The following KRT13 variants were observed in gnomAD, a reference collection of about 807,000 sequenced individuals.
The protein encoded by KRT13 is keratin 13.
Under a neutral mutation model 40.6 loss-of-function variants are expected in KRT13, and 27 were observed. The observed-to-expected ratio is 0.67, with a 90% CI of 0.49 to 0.92. KRT13 has a LOEUF of 0.92. Among genes scored for constraint, KRT13 ranks in the 40% least tolerant of loss-of-function variants. KRT13 has a pLI of 0.00. For missense variants in KRT13, 605 were observed against 611.5 expected (o/e 0.99, Z 0.11); for synonymous variants, 266 against 240.3 (o/e 1.11, Z -0.99).
rs1904934460 is a variant in KRT13, at chr17:41,503,296, GTTC to G, written c.723_725del (p.Lys241del). 6.2e-7 allele frequency: 1 copy of G among 1,614,146 alleles called. No individual in the cohort carries two copies. Among genetic ancestry groups the G allele is most frequent in the Non-Finnish European group, 8.5e-7 (1 of 1,180,014 alleles). On this transcript the variant is annotated inframe_deletion, in exon 3 of 8. Transcript: ENST00000246635. Reference sequence around the variant, plus strand: ...TGCAATTCCCGCTCACCTCTTCATGGTTCTTCTTCATGTAGGCTAGCTCTTCAT... The same window carrying G: ...TGCAATTCCCGCTCACCTCTTCATGGTTCTTCATGTAGGCTAGCTCTTCAT...
intron 7 of KRT13, 111 bp downstream of exon 7, chr17:41,501,608 C>T (rs1779125555): frequency 1.3e-6 from 2 of 1,527,356 alleles, no homozygotes; most frequent in Admixed American, 2.0e-5. Flanking sequence ...CCTCCCTACA[C>T]TGGAGAGCCC....
chr17:41,503,961 A>G (rs771425717), intron 1 of KRT13: 80 of 511,314 alleles, frequency 1.6e-4, no homozygotes, highest in Non-Finnish European at 2.8e-4. Flanking sequence ...GGCCACATGC[A>G]GCCCACCGGC....
chr17:41,505,380 A>G lies in KRT13; in HGVS notation c.171T>C (p.Ala57=). ...CATAGCCACCTCCAAAGCCACTACCAGCCCCTCCACCAAAACCACAGCTCA... is the reference window on the plus strand; with the variant it reads ...CATAGCCACCTCCAAAGCCACTACCGGCCCCTCCACCAAAACCACAGCTCA... The part of the protein sequence containing the change: ...GGVSCGFGGG[A]GSGFGGGYGG... The change falls in exon 1 of 8, where the codon GCT becomes GCC. Residue 57 remains alanine (A), a synonymous_variant. Transcript: ENST00000246635. 1 of 1,613,782 alleles carries G rather than the reference A, an allele frequency of 6.2e-7. No individual in the cohort carries two copies. The highest frequency in any genetic ancestry group is 1.3e-5 in the African/African-American group (1 of 75,020).
At chr17:41,503,837 A>C in intron 1 of KRT13, 112 bp from the exon 2 acceptor site, 2 of 802,774 alleles carry the variant, frequency 2.5e-6, no homozygotes, top group Non-Finnish European at 4.4e-6. Context: ...ATACGCTAAC[A>C]CTAACGATAG....
chr17:41,501,497 G>A (rs1904849487), intron 7 of KRT13, 135 bp from the exon 8 acceptor site: 2 of 1,074,184 alleles, frequency 1.9e-6, no homozygotes, highest in Non-Finnish European at 2.8e-6. Flanking sequence ...TGTCCCCAAA[G>A]ATGGCTCTTC....
In KRT13 at chr17:41,505,023, T is replaced by A. The variant is rs34047520; in HGVS notation, c.495+33A>T. 4.6e-3 allele frequency: 7,474 copies of A among 1,613,296 alleles called. 121 individuals are homozygous for A. In the African/African-American group the frequency reaches 0.055, roughly 12 times the overall value. The stretch of plus-strand genomic sequence containing the variant: ...TTGGCCTTGGAGGCTCTGCCCTTCA[T>A]GGAGGACCCCTCCTCAGCTTCCAAG... On this transcript the variant is annotated intron_variant, in intron 1 of 7. Coordinates refer to ENST00000246635, the MANE Select transcript of KRT13 (RefSeq NM_153490.3).
chr17:41,502,798 G>A lies in KRT13; in HGVS notation c.912C>T (p.Asn304=). The A allele has an allele frequency of 6.2e-7, 1 of 1,614,162 alleles. No individual in the cohort carries two copies. The highest frequency in any genetic ancestry group is 1.3e-5 in the African/African-American group (1 of 75,042). Residue 304 remains asparagine (N), a synonymous_variant, in exon 5 of 8, where the codon AAC becomes AAT. Transcript: ENST00000246635. ...TGGCAGTGTTGGTAGACACCTCCTT[G>A]TTCAGCTCTGCACTCTGAAATGCAA... ...EWFHTKSAEL[N]KEVSTNTAMI...
At chr17:41,501,946 A>G (rs1324364733) in intron 6 of KRT13, 2 of 1,460,766 alleles carry the variant, frequency 1.4e-6, no homozygotes, top group Non-Finnish European at 1.8e-6. Context: ...TCTGTCTGAG[A>G]GGTCTCAAGG....
Position 41,502,351 on chromosome 17 carries a change from G to C in KRT13, c.1244+23C>G, listed in dbSNP as rs1904879716. ...ACGGGTCCTGCAGTCACTATCCTAAGAAAGAGGCTGGAGAGGACCTACTTG... is the reference window on the plus strand; with the variant it reads ...ACGGGTCCTGCAGTCACTATCCTAACAAAGAGGCTGGAGAGGACCTACTTG... On this transcript the variant is annotated intron_variant, in intron 6 of 7. Transcript: ENST00000246635. 5 of 1,613,842 alleles carry C rather than the reference G, an allele frequency of 3.1e-6. No homozygotes were observed. The South Asian group carries it at 3.3e-5, about 11-fold the overall frequency.
Position 41,501,318 on chromosome 17 carries a change from C to T in KRT13, c.1315G>A (p.Ala439Thr). Residue 439 changes from alanine (A) to threonine (T), a missense_variant, in exon 8 of 8, where the codon GCC (alanine) becomes ACC (threonine). Transcript: ENST00000246635. Reference protein sequence around the residue: ...RSTSVTTTSSASVTTTSNASG... With the variant: ...RSTSVTTTSSTSVTTTSNASG... The stretch of plus-strand genomic sequence containing the variant: ...GCATTAGAGGTGGTGGTAACAGAGG[C>T]ACTAGAAGTCGTGGTAACAGAGGTG... 6.3e-7 allele frequency: 1 copy of T among 1,575,764 alleles called. No homozygotes were observed. The highest frequency in any genetic ancestry group is 8.6e-7 in the Non-Finnish European group (1 of 1,160,614).
Position 41,501,740 on chromosome 17 carries a change from T to C in KRT13, c.1249A>G (p.Ile417Val), listed in dbSNP as rs746696292. The C allele has an allele frequency of 6.3e-7, 1 of 1,594,540 alleles. No homozygotes were observed. Among genetic ancestry groups the C allele is most frequent in the Non-Finnish European group, 8.5e-7 (1 of 1,169,986 alleles). Residue 417 changes from isoleucine to valine, a missense_variant, in exon 7 of 8, where the codon ATT becomes GTT. Transcript: ENST00000246635. ...TTACCTGCTGAGGAAGGGAAACCAATCATCCTGGGAGAGAGGACAGAGGTG... is the reference window on the plus strand; with the variant it reads ...TTACCTGCTGAGGAAGGGAAACCAACCATCCTGGGAGAGAGGACAGAGGTG... ...SLLEGQDAKM[I>V]GFPSSAGSVS...
At chr17:41,503,591 T>C in intron 2 of KRT13, 52 bp downstream of exon 2, 1 of 1,580,166 alleles carries the variant, frequency 6.3e-7, no homozygotes, top group Non-Finnish European at 8.7e-7. Context: ...AGCTTTTGTC[T>C]AAACTAAGAG....
intron 3 of KRT13, 40 bp from the exon 4 acceptor site, chr17:41,503,138 C>G: frequency 6.2e-7 from 1 of 1,612,356 alleles, no homozygotes; most frequent in Non-Finnish European, 8.5e-7. Context: ...GGCTACTCAT[C>G]CTCCCTCTCC....
chr17:41,505,001 G>A (rs1268039829), intron 1 of KRT13, 55 bp downstream of exon 1: 3 of 1,605,096 alleles, frequency 1.9e-6, no homozygotes, highest in Non-Finnish European at 2.6e-6. Flanking sequence ...GTGTTTCTTG[G>A]CCTTGGAGGC....
intron 3 of KRT13, 83 bp from the exon 4 acceptor site, chr17:41,503,181 A>C: frequency 6.2e-7 from 1 of 1,604,882 alleles, no homozygotes; most frequent in Non-Finnish European, 8.5e-7. Context: ...TGTTCTGGAG[A>C]GTGTTTCCAG....
intron 1 of KRT13, chr17:41,504,063 AC>A: frequency 2.7e-6 from 1 of 364,012 alleles, no homozygotes; most frequent in Non-Finnish European, 5.2e-6. Flanking sequence ...ATGGGGCTCT[AC>A]CTCTAAACTG....
In KRT13 at chr17:41,501,733, A is replaced by T. The variant is rs1196297384; in HGVS notation, c.1256T>A (p.Phe419Tyr). 1.9e-6 allele frequency: 3 copies of T among 1,593,346 alleles called. No homozygotes were observed. The African/African-American group carries it at 4.0e-5, about 21-fold the overall frequency. The change falls in exon 7 of 8, where the codon TTC (phenylalanine) becomes TAC (tyrosine). Residue 419 changes from phenylalanine to tyrosine, a missense_variant. Phe to Tyr is a conservative substitution (Grantham distance 22). Coordinates refer to ENST00000246635, the MANE Select transcript of KRT13 (RefSeq NM_153490.3). ...TGTTCCCTTACCTGCTGAGGAAGGG[A>T]AACCAATCATCCTGGGAGAGAGGAC... Reference protein sequence around the residue: ...LEGQDAKMIGFPSSAGSVSPR... With the variant: ...LEGQDAKMIGYPSSAGSVSPR...
chr17:41,504,765 T>C (rs1400981845), intron 1 of KRT13, among the ~76,000 whole-genome samples: 1 of 152,208 alleles, frequency 6.6e-6, no homozygotes, highest in Non-Finnish European at 1.5e-5. Context: ...CTCAGTAGGT[T>C]AGGATTATAG....
In KRT13 at chr17:41,505,249, G is replaced by T. The variant is rs1285245754; in HGVS notation, c.302C>A (p.Thr101Asn). The change falls in exon 1 of 8, where the codon ACT (threonine) becomes AAT (asparagine). Residue 101 changes from threonine to asparagine, a missense_variant. Transcript: ENST00000246635. Reference sequence around the variant, plus strand: ...CTGCATGGTGATCTTCTCATTGCCAGTGAGGAGGCCGCCATCACAAGCACC... The same window carrying T: ...CTGCATGGTGATCTTCTCATTGCCATTGAGGAGGCCGCCATCACAAGCACC... ...DFGACDGGLLTGNEKITMQNL... is the reference protein window; with the variant it reads ...DFGACDGGLLNGNEKITMQNL... 1 of 1,614,148 alleles carries T rather than the reference G, an allele frequency of 6.2e-7. No homozygotes were observed. The highest frequency in any genetic ancestry group is 1.1e-5 in the South Asian group (1 of 91,078).
Sources: allele counts gnomAD v4.1 joint callset (sites outside exome capture counted in the v4.1 genomes callset), GRCh38; gene constraint gnomAD v4.1.1; transcripts MANE v1.5; gene names NCBI Gene and HGNC (gene_info 2026-07-23, HGNC 2026-07-21).